The following SLC35F3 variants were observed in gnomAD, a reference collection of about 807,000 sequenced individuals.
The protein encoded by SLC35F3 is solute carrier family 35 member F3.
In SLC35F3, 25 loss-of-function variants were observed where a neutral mutation model predicts 49.9. The ratio of observed to expected loss-of-function variants is 0.50; its 90% CI spans 0.37 to 0.70. SLC35F3 has a LOEUF of 0.70. SLC35F3 is among the 30% of genes least tolerant of loss of function. The pLI is 0.00. For missense variants in SLC35F3, 525 were observed against 639.8 expected (o/e 0.82, Z 1.94); for synonymous variants, 275 against 265.4 (o/e 1.04, Z -0.35).
At chr1:234,098,975 A>C (rs1665174018) in intron 2 of SLC35F3, among the ~76,000 whole-genome samples, 1 of 151,860 alleles carries the variant, frequency 6.6e-6, no homozygotes, top group South Asian at 2.1e-4. Context: ...GGAGGTGGTG[A>C]CTGTGTTGCT....
At chr1:234,173,391 A>G (rs999013365) in intron 2 of SLC35F3, among the ~76,000 whole-genome samples, 2 of 152,248 alleles carry the variant, frequency 1.3e-5, no homozygotes, top group African/African-American at 4.8e-5. Context: ...CAGAGAGGGT[A>G]AGTGGCTTAC....
At chr1:234,033,899 A>G (rs1317231204) in intron 2 of SLC35F3, among the ~76,000 whole-genome samples, 1 of 152,144 alleles carries the variant, frequency 6.6e-6, no homozygotes, top group African/African-American at 2.4e-5. Context: ...AAGAATGACA[A>G]TGGTGTTTTG....
intron 2 of SLC35F3, among the ~76,000 whole-genome samples, chr1:234,067,855 T>C (rs1190779187): frequency 6.6e-6 from 1 of 152,158 alleles, no homozygotes; most frequent in Admixed American, 6.6e-5. Flanking sequence ...TGGGTCATGG[T>C]GGTGGTGATT....
intron 2 of SLC35F3, among the ~76,000 whole-genome samples, chr1:234,134,514 A>C (rs534358638): frequency 6.7e-6 from 1 of 149,910 alleles, no homozygotes; most frequent in East Asian, 1.9e-4. Context: ...ATAATTTTTA[A>C]ATAAATTTAT....
chr1:234,169,934 CT>C (rs1163670228), intron 2 of SLC35F3, among the ~76,000 whole-genome samples: 2 of 152,068 alleles, frequency 1.3e-5, no homozygotes, highest in Admixed American at 6.5e-5. Flanking sequence ...TGCCAGGCAA[CT>C]TTTTTGTATT....
chr1:234,051,484 G>T (rs1485575643), intron 2 of SLC35F3, among the ~76,000 whole-genome samples: 1 of 152,178 alleles, frequency 6.6e-6, no homozygotes, highest in Non-Finnish European at 1.5e-5. Context: ...TTTGCACATT[G>T]ATTTTATATT....
At chr1:234,319,600 G>A (rs926774533) in intron 6 of SLC35F3, among the ~76,000 whole-genome samples, 3 of 152,142 alleles carry the variant, frequency 2.0e-5, no homozygotes, top group Non-Finnish European at 4.4e-5. Flanking sequence ...TACTCAGGAG[G>A]CTGAAGTGGG....
chr1:234,263,459 T>G (rs79938228), intron 3 of SLC35F3, among the ~76,000 whole-genome samples: 5,856 of 152,208 alleles, frequency 0.038, 156 homozygotes, highest in Middle Eastern at 0.068. Flanking sequence ...GCGTCTATAT[T>G]TATGGGCTTT....
intron 2 of SLC35F3, among the ~76,000 whole-genome samples, chr1:233,948,059 A>G (rs961232717): frequency 6.6e-6 from 1 of 150,512 alleles, no homozygotes; most frequent in Non-Finnish European, 1.5e-5. Flanking sequence ...GGCTGGAAAC[A>G]GGTGGAAAAT....
intron 2 of SLC35F3, among the ~76,000 whole-genome samples, chr1:233,908,015 C>T (rs1366062616): frequency 6.6e-6 from 1 of 152,180 alleles, no homozygotes; most frequent in Non-Finnish European, 1.5e-5. Context: ...CGTGAGCCAC[C>T]ACGCCCGGCC....
chr1:233,915,174 G>C (rs535084519), intron 2 of SLC35F3, among the ~76,000 whole-genome samples: 1 of 152,268 alleles, frequency 6.6e-6, no homozygotes, highest in South Asian at 2.1e-4. Context: ...ACCATTTCCA[G>C]TGCTTGACCA....
Position 234,028,481 on chromosome 1 carries a change from G to A in SLC35F3, c.283+122723G>A, listed in dbSNP as rs118183868. 0.012 allele frequency among the ~76,000 whole-genome samples: 1,772 copies of A among 152,268 alleles called. 74 individuals carry two copies. The East Asian group carries it at 0.12, about 11-fold the overall frequency. On this transcript the variant is annotated intron_variant, in intron 2 of 7. Transcript: ENST00000366618. The stretch of plus-strand genomic sequence containing the variant: ...ACATCTACTCACCAGCATCCCTGTC[G>A]GAAGAGACCCAAGGACTGGGTGAAA...
chr1:234,126,683 TTTTC>T (rs150185857), intron 2 of SLC35F3, among the ~76,000 whole-genome samples: 1 of 151,826 alleles, frequency 6.6e-6, no homozygotes, highest in Non-Finnish European at 1.5e-5. Flanking sequence ...TAATGTTTTC[TTTTC>T]TTTCTTTCTT....
intron 3 of SLC35F3, among the ~76,000 whole-genome samples, chr1:234,271,146 G>A (rs1169110330): frequency 6.6e-6 from 1 of 152,180 alleles, no homozygotes; most frequent in African/African-American, 2.4e-5. Flanking sequence ...TTCTAAAATA[G>A]TCAGAGGCCA....
intron 2 of SLC35F3, among the ~76,000 whole-genome samples, chr1:233,916,999 C>T (rs899880665): frequency 1.3e-5 from 2 of 152,036 alleles, no homozygotes; most frequent in Non-Finnish European, 2.9e-5. Flanking sequence ...TCAAATAATC[C>T]ACGATCTCTA....
Position 234,231,794 on chromosome 1 carries a change from C to T in SLC35F3, c.608+53C>T, listed in dbSNP as rs1667382438. 9 of 1,523,872 alleles carry T rather than the reference C, an allele frequency of 5.9e-6. No individual in the cohort carries two copies. In the East Asian group the frequency reaches 1.4e-4, roughly 23 times the overall value. 94.4% of individuals were successfully genotyped at this position (1,523,872 alleles called of 1,614,324 possible). On this transcript the variant is annotated intron_variant, in intron 3 of 7. Coordinates refer to ENST00000366618, the MANE Select transcript of SLC35F3 (RefSeq NM_173508.4). The surrounding 1 kb of genome is among the most constrained non-coding windows in gnomAD (Gnocchi z 5.4). ...CCTGACCCCGGGCTGCTCCATCCAG[C>T]GCTGACTCTGCAGAGCTGCCCCTGG...
At chr1:234,163,007 G>A (rs1000153456) in intron 2 of SLC35F3, among the ~76,000 whole-genome samples, 2 of 152,086 alleles carry the variant, frequency 1.3e-5, no homozygotes, top group Non-Finnish European at 2.9e-5. Context: ...CATGACCTAG[G>A]TCCCACTCTG....
intron 5 of SLC35F3, among the ~76,000 whole-genome samples, 174 bp from the exon 6 acceptor site, chr1:234,318,577 G>A (rs1198116899): frequency 6.6e-6 from 1 of 152,192 alleles, no homozygotes; most frequent in Non-Finnish European, 1.5e-5. Flanking sequence ...CCATGTTCCT[G>A]GGATTTGAAT....
chr1:233,910,607 G>A (rs1232548049), intron 2 of SLC35F3, among the ~76,000 whole-genome samples: 6 of 152,188 alleles, frequency 3.9e-5, no homozygotes, highest in Non-Finnish European at 5.9e-5. Context: ...AGGGTGGGCA[G>A]GATGTTTCCC....
Sources: allele counts gnomAD v4.1 joint callset (sites outside exome capture counted in the v4.1 genomes callset), GRCh38; gene constraint gnomAD v4.1.1; non-coding constraint Gnocchi (gnomAD v3.1); transcripts MANE v1.5; gene names NCBI Gene and HGNC (gene_info 2026-07-23, HGNC 2026-07-21).